TTC28: variants seen among roughly 807,000 people sequenced by gnomAD.
TTC28 encodes tetratricopeptide repeat protein 28.
TTC28 carries 61 observed loss-of-function variants against 198.0 expected under a neutral mutation model. The observed-to-expected ratio is 0.31, with a 90% CI of 0.25 to 0.38. The LOEUF (loss-of-function observed/expected upper bound fraction) is 0.38. Ranked by LOEUF, TTC28 falls within the 10% of genes least tolerant of loss-of-function variation. The pLI is 1.00. For synonymous variants in TTC28, 1,171 were observed against 1,297.8 expected (o/e 0.90, Z 2.10); for missense variants, 2,678 against 3,164.0 (o/e 0.85, Z 3.69).
At chr22:28,293,245 TCA>T in intron 5 of TTC28, among the ~76,000 whole-genome samples, 1 of 152,176 alleles carries the variant, frequency 6.6e-6, no homozygotes, top group East Asian at 1.9e-4. Context: ...GAGTTATAGC[TCA>T]CACACACAGA....
At chr22:28,300,358 A>G (rs1302541423) in intron 3 of TTC28, among the ~76,000 whole-genome samples, 2 of 152,208 alleles carry the variant, frequency 1.3e-5, no homozygotes, top group African/African-American at 4.8e-5. Flanking sequence ...ACCACAGCTA[A>G]GTTAGAGAAA....
chr22:28,021,976 C>T (rs1393479066), intron 13 of TTC28, among the ~76,000 whole-genome samples: 1 of 152,208 alleles, frequency 6.6e-6, no homozygotes, highest in Admixed American at 6.5e-5. Flanking sequence ...GTGAGTACAC[C>T]ACTCGCATCC....
chr22:28,577,640 T>C (rs1031365986), intron 2 of TTC28, among the ~76,000 whole-genome samples: 1 of 152,156 alleles, frequency 6.6e-6, no homozygotes, highest in Non-Finnish European at 1.5e-5. Context: ...TATATCTGCA[T>C]GCCCCAGTGT....
At chr22:28,344,653 C>A (rs2045879921) in intron 2 of TTC28, among the ~76,000 whole-genome samples, 1 of 152,122 alleles carries the variant, frequency 6.6e-6, no homozygotes. Context: ...AATCTTCATG[C>A]AATAAGATAG....
At chr22:27,983,960 A>G (rs1937115630) in intron 22 of TTC28, 109 bp from the exon 23 acceptor site, 2 of 1,142,868 alleles carry the variant, frequency 1.7e-6, no homozygotes, top group Admixed American at 2.9e-5. Context: ...GCAAAGAATT[A>G]TGCAAGAGCT....
intron 2 of TTC28, among the ~76,000 whole-genome samples, chr22:28,542,632 A>C (rs2049440682): frequency 6.6e-6 from 1 of 152,110 alleles, no homozygotes; most frequent in Non-Finnish European, 1.5e-5. Flanking sequence ...AATAATAAAG[A>C]GCTTTCAGGT....
At chr22:28,294,483 GTCTT>G (rs898304559) in intron 5 of TTC28, among the ~76,000 whole-genome samples, 30 of 150,284 alleles carry the variant, frequency 2.0e-4, no homozygotes, top group African/African-American at 6.8e-4. Context: ...TATCTTAAAA[GTCTT>G]TCTACCCTTT....
intron 2 of TTC28, among the ~76,000 whole-genome samples, chr22:28,481,059 T>G (rs913518737): frequency 1.3e-5 from 2 of 152,192 alleles, no homozygotes; most frequent in African/African-American, 4.8e-5. Flanking sequence ...CATAACCCCA[T>G]GCCTTAACTA....
At chr22:27,985,651 A>C (rs1457244029) in intron 21 of TTC28, 2 of 257,130 alleles carry the variant, frequency 7.8e-6, no homozygotes, top group Non-Finnish European at 1.6e-5. Flanking sequence ...GAACTCAGTA[A>C]GGCTCACTCA....
chr22:28,669,851 A>C (rs1419041481), intron 1 of TTC28, among the ~76,000 whole-genome samples: 1 of 152,200 alleles, frequency 6.6e-6, no homozygotes, highest in Non-Finnish European at 1.5e-5. Flanking sequence ...ATTTCCCAAA[A>C]TATACCCAAT....
chr22:28,272,874 A>G (rs1332087996), intron 5 of TTC28, among the ~76,000 whole-genome samples: 1 of 152,148 alleles, frequency 6.6e-6, no homozygotes, highest in African/African-American at 2.4e-5. Context: ...AGCCACCACT[A>G]CCCTCAAGAC....
At chr22:28,015,391 G>A (rs1173215564) in intron 13 of TTC28, among the ~76,000 whole-genome samples, 1 of 144,742 alleles carries the variant, frequency 6.9e-6, no homozygotes, top group African/African-American at 2.6e-5. Flanking sequence ...AACAGACAAG[G>A]TATCATCCTT....
chr22:28,298,300 T>C (rs2044942568), intron 3 of TTC28, among the ~76,000 whole-genome samples: 1 of 152,206 alleles, frequency 6.6e-6, no homozygotes, highest in Non-Finnish European at 1.5e-5. Context: ...ATTTTAGAAT[T>C]GTTCTACACG....
chr22:28,096,452 C>G, intron 10 of TTC28, 44 bp from the exon 11 acceptor site: 1 of 1,544,166 alleles, frequency 6.5e-7, no homozygotes, highest in East Asian at 2.4e-5. Flanking sequence ...AGTGAGTGTG[C>G]TTACTTAGAG....
chr22:28,505,693 T>C (rs1488385554), intron 2 of TTC28, among the ~76,000 whole-genome samples: 1 of 152,144 alleles, frequency 6.6e-6, no homozygotes, highest in Non-Finnish European at 1.5e-5. Flanking sequence ...TTTACCTACT[T>C]CAGCCCCAGA....
intron 5 of TTC28, among the ~76,000 whole-genome samples, chr22:28,236,392 G>A (rs543425950): frequency 6.6e-6 from 1 of 152,270 alleles, no homozygotes; most frequent in South Asian, 2.1e-4. Context: ...TTGGTGTTCG[G>A]AGTAGAGTTC....
chr22:28,118,016 C>A (rs986949373), intron 6 of TTC28, among the ~76,000 whole-genome samples: 1 of 152,072 alleles, frequency 6.6e-6, no homozygotes, highest in African/African-American at 2.4e-5. Flanking sequence ...GTGATTATTA[C>A]GCATTATATG....
At chr22:28,082,143 T>C (rs1941388645) in intron 12 of TTC28, among the ~76,000 whole-genome samples, 1 of 152,248 alleles carries the variant, frequency 6.6e-6, no homozygotes, top group Admixed American at 6.5e-5. Context: ...TTAGCTCTAA[T>C]AGTTTTTTGG....
At chr22:28,165,534 A>G (rs1486377515) in intron 5 of TTC28, among the ~76,000 whole-genome samples, 4 of 152,080 alleles carry the variant, frequency 2.6e-5, no homozygotes, top group African/African-American at 9.7e-5. Context: ...CAACATTCTT[A>G]AAGAAAAGAA....
Sources: allele counts gnomAD v4.1 joint callset (sites outside exome capture counted in the v4.1 genomes callset), GRCh38; gene constraint gnomAD v4.1.1; transcripts MANE v1.5; gene names NCBI Gene and HGNC (gene_info 2026-07-23, HGNC 2026-07-21).